The following NXPH1 variants were observed in gnomAD, a reference collection of about 807,000 sequenced individuals.
The protein encoded by NXPH1 is neurexophilin-1.
In NXPH1, 5 loss-of-function variants were observed where a neutral mutation model predicts 23.7. That is an observed-to-expected ratio of 0.21 (90% confidence interval 0.11 to 0.44). The LOEUF is 0.44. Ranked by LOEUF, NXPH1 falls within the 20% of genes least tolerant of loss-of-function variation. The pLI is 0.99. For missense variants in NXPH1, 324 were observed against 321.6 expected, an observed-to-expected ratio of 1.01 and a Z score of -0.06; for synonymous variants, 144 against 122.2, an observed-to-expected ratio of 1.18 and a Z score of -1.18.
At chr7:8,592,280 A>G (rs1399032243) in intron 2 of NXPH1, among the ~76,000 whole-genome samples, 1 of 151,930 alleles carries the variant, frequency 6.6e-6, no homozygotes, top group Non-Finnish European at 1.5e-5. Context: ...GAATTCAGTC[A>G]CCATCTGTTC....
At chr7:8,696,243 G>T (rs909434029) in intron 2 of NXPH1, among the ~76,000 whole-genome samples, 7 of 152,080 alleles carry the variant, frequency 4.6e-5, no homozygotes, top group African/African-American at 1.7e-4. Flanking sequence ...ATTTTCTCCA[G>T]GAAATCCTAT....
At chr7:8,603,464 T>C (rs748934436) in intron 2 of NXPH1, among the ~76,000 whole-genome samples, 4 of 152,314 alleles carry the variant, frequency 2.6e-5, no homozygotes, top group Middle Eastern at 3.4e-3. Flanking sequence ...ATTGAATCAA[T>C]AATTTTGTCA....
At chr7:8,567,349 G>T (rs890371602) in intron 2 of NXPH1, among the ~76,000 whole-genome samples, 1 of 151,858 alleles carries the variant, frequency 6.6e-6, no homozygotes, top group Non-Finnish European at 1.5e-5. Flanking sequence ...ATTTCTGCAG[G>T]GGTCTTATAG....
chr7:8,546,394 C>T (rs1818198376), intron 2 of NXPH1, among the ~76,000 whole-genome samples: 1 of 151,320 alleles, frequency 6.6e-6, no homozygotes, highest in South Asian at 2.1e-4. Flanking sequence ...TTATTATATG[C>T]CTGTGAGTAT....
intron 2 of NXPH1, among the ~76,000 whole-genome samples, chr7:8,717,552 A>G (rs941663362): frequency 6.6e-6 from 1 of 152,146 alleles, no homozygotes; most frequent in African/African-American, 2.4e-5. Context: ...GTTAAAGACT[A>G]CCCTCTAAGT....
chr7:8,583,096 G>T (rs952937920), intron 2 of NXPH1, among the ~76,000 whole-genome samples: 4 of 152,220 alleles, frequency 2.6e-5, no homozygotes, highest in African/African-American at 9.6e-5. Context: ...CTTGGTGACA[G>T]ATCCCAGCTG....
intron 2 of NXPH1, among the ~76,000 whole-genome samples, chr7:8,687,169 A>G (rs1821159484): frequency 6.6e-6 from 1 of 152,132 alleles, no homozygotes; most frequent in African/African-American, 2.4e-5. Context: ...ATCAGTGCAG[A>G]GGCTCTCAGG....
chr7:8,735,932 TATAGTATTCTCTA>T (rs1348571076), intron 2 of NXPH1, among the ~76,000 whole-genome samples: 1 of 152,220 alleles, frequency 6.6e-6, no homozygotes, highest in Non-Finnish European at 1.5e-5. Flanking sequence ...TAGAGTTGTT[TATAGTATTCTCTA>T]ATAGTAGTTT....
intron 2 of NXPH1, among the ~76,000 whole-genome samples, chr7:8,475,207 G>T (rs1417815678): frequency 6.6e-6 from 1 of 152,064 alleles, no homozygotes. Flanking sequence ...GAGATCAAGG[G>T]TGTGAAGCCT....
At position 8,752,047 on chromosome 7, in the gene NXPH1, T is replaced by G; in HGVS notation, c.*278T>G. ...TACACAAACACACCGTCATGCACAT[T>G]TCAGCTTGCGTCTATCATGATTCCT... On this transcript the variant is annotated 3_prime_UTR_variant, in exon 3 of 3. Coordinates refer to ENST00000405863, the MANE Select transcript of NXPH1 (RefSeq NM_152745.3). 1 of 327,280 alleles carries G rather than the reference T, an allele frequency of 3.1e-6. No homozygotes were observed. Among genetic ancestry groups the G allele is most frequent in the Non-Finnish European group, 5.7e-6 (1 of 175,884 alleles). 20.3% of individuals were successfully genotyped at this position (327,280 alleles called of 1,614,324 possible).
chr7:8,708,910 C>T (rs1429081333), intron 2 of NXPH1, among the ~76,000 whole-genome samples: 2 of 152,098 alleles, frequency 1.3e-5, no homozygotes, highest in East Asian at 3.9e-4. Flanking sequence ...ACAGGCCCTA[C>T]CTGTAGATGA....
chr7:8,749,884 A>G (rs1780535157), intron 2 of NXPH1, among the ~76,000 whole-genome samples: 1 of 152,152 alleles, frequency 6.6e-6, no homozygotes, highest in South Asian at 2.1e-4. Flanking sequence ...ATAAGAAGTT[A>G]CTGCTTTAAC....
chr7:8,697,848 G>T (rs926072086), intron 2 of NXPH1, among the ~76,000 whole-genome samples: 2 of 152,196 alleles, frequency 1.3e-5, no homozygotes, highest in African/African-American at 4.8e-5. Context: ...AAGAGAGCCA[G>T]TGTGTTTGGA....
chr7:8,704,300 A>G (rs1981558), intron 2 of NXPH1, among the ~76,000 whole-genome samples: 138,083 of 152,134 alleles, frequency 0.91, 62,890 homozygotes, highest in East Asian at 1. Context: ...GGAATAAAAG[A>G]GCATATGGAG....
chr7:8,742,012 C>G (rs909372787), intron 2 of NXPH1, among the ~76,000 whole-genome samples: 1 of 152,112 alleles, frequency 6.6e-6, no homozygotes, highest in African/African-American at 2.4e-5. Flanking sequence ...TAAATAGCTG[C>G]CTACCTTTCT....
At position 8,436,107 on chromosome 7, in the gene NXPH1, T is replaced by A. The variant is rs192097601; in HGVS notation, c.54+340T>A. On this transcript the variant is annotated intron_variant, in intron 2 of 2. Coordinates refer to ENST00000405863, the MANE Select transcript of NXPH1 (RefSeq NM_152745.3). Reference sequence around the variant, plus strand: ...GAAGGCAGGAACTCTCAGTAGCTCATGCACAGAGTTTAAACGAAGGGAAGT... The same window carrying A: ...GAAGGCAGGAACTCTCAGTAGCTCAAGCACAGAGTTTAAACGAAGGGAAGT... Among the ~76,000 whole-genome samples the A allele has an allele frequency of 2.2e-3, 341 of 152,246 alleles. 1 individual carries two copies. Among genetic ancestry groups the A allele is most frequent in the Non-Finnish European group, 4.0e-3 (271 of 68,014 alleles).
At chr7:8,668,141 C>T (rs1820807498) in intron 2 of NXPH1, among the ~76,000 whole-genome samples, 1 of 151,460 alleles carries the variant, frequency 6.6e-6, no homozygotes, top group African/African-American at 2.4e-5. Context: ...TGAAGTGTTC[C>T]AGACTTTCTT....
At chr7:8,624,368 A>G (rs1454199275) in intron 2 of NXPH1, among the ~76,000 whole-genome samples, 1 of 152,174 alleles carries the variant, frequency 6.6e-6, no homozygotes, top group African/African-American at 2.4e-5. Context: ...AGACTCTGAG[A>G]AGATCAGAGC....
At chr7:8,487,057 C>A (rs1817170679) in intron 2 of NXPH1, among the ~76,000 whole-genome samples, 1 of 151,916 alleles carries the variant, frequency 6.6e-6, no homozygotes, top group African/African-American at 2.4e-5. Context: ...ACATTGAGAG[C>A]CTTTAGAGTA....
Sources: allele counts gnomAD v4.1 joint callset (sites outside exome capture counted in the v4.1 genomes callset), GRCh38; gene constraint gnomAD v4.1.1; transcripts MANE v1.5; gene names NCBI Gene and HGNC (gene_info 2026-07-23, HGNC 2026-07-21).